Variants in EVI5 observed in about 807,000 individuals in gnomAD.
EVI5 encodes ecotropic viral integration site 5 protein homolog.
EVI5 carries 73 observed loss-of-function variants against 112.0 expected under a neutral mutation model. The ratio of observed to expected loss-of-function variants is 0.65; its 90% CI spans 0.54 to 0.79. The LOEUF (loss-of-function observed/expected upper bound fraction) is 0.79, where lower values mean the gene tolerates loss of function less well. Ranked by LOEUF, EVI5 falls within the 30% of genes least tolerant of loss-of-function variation. The pLI is 0.00. For missense variants in EVI5, 900 were observed against 968.8 expected (o/e 0.93, Z 0.94); for synonymous variants, 305 against 319.9 (o/e 0.95, Z 0.50).
At chr1:92,765,794 G>T (rs1029012559) in intron 1 of EVI5, among the ~76,000 whole-genome samples, 2 of 152,114 alleles carry the variant, frequency 1.3e-5, no homozygotes, top group East Asian at 3.8e-4. Context: ...GGGGGGAAAG[G>T]GCGGGGCATG....
intron 10 of EVI5, among the ~76,000 whole-genome samples, chr1:92,666,319 G>A (rs898787158): frequency 2.0e-5 from 3 of 151,752 alleles, no homozygotes; most frequent in Non-Finnish European, 4.4e-5. Context: ...AGGAATGGTG[G>A]TGATGAGCCT....
At chr1:92,750,499 C>T (rs1173882402) in intron 1 of EVI5, among the ~76,000 whole-genome samples, 4 of 152,186 alleles carry the variant, frequency 2.6e-5, no homozygotes, top group Admixed American at 6.5e-5. Context: ...ACAATCATCA[C>T]ACTACACTAT....
At chr1:92,789,158 C>T (rs181424512), upstream of EVI5, among the ~76,000 whole-genome samples, 50 of 152,180 alleles carry the variant, frequency 3.3e-4, no homozygotes, top group East Asian at 9.1e-3. Flanking sequence ...TCTACTAGAT[C>T]GAGAGCTTCA....
intron 18 of EVI5, among the ~76,000 whole-genome samples, chr1:92,595,058 T>A (rs1386971813): frequency 2.0e-5 from 3 of 151,872 alleles, no homozygotes; most frequent in African/African-American, 7.2e-5. Context: ...AGCCATCCCA[T>A]CACTGGGTAT....
chr1:92,558,387 C>G (rs140462002), intron 19 of EVI5, among the ~76,000 whole-genome samples: 1 of 152,160 alleles, frequency 6.6e-6, no homozygotes, highest in South Asian at 2.1e-4. Context: ...GAATCTCAAC[C>G]TTACTACAAA....
chr1:92,624,689 C>CAAAAAAAA (rs141559165), intron 15 of EVI5, among the ~76,000 whole-genome samples: 5 of 51,760 alleles, frequency 9.7e-5, no homozygotes, highest in African/African-American at 1.6e-4. Flanking sequence ...GTCTCTACTT[C>CAAAAAAAA]AAAAAAAAAA....
At chr1:92,662,957 T>TAAA (rs11411366) in intron 12 of EVI5, 92 bp from the exon 13 acceptor site, 224 of 305,844 alleles carry the variant, frequency 7.3e-4, no homozygotes, top group Middle Eastern at 4.5e-3. Flanking sequence ...TTTGACATGT[T>TAAA]AAAAAAAAAA....
rs1659019429 is a variant in EVI5 at position 92,508,850 on chromosome 1, TCTC to T, written c.*4803_*4805del. 6.6e-6 allele frequency: 1 copy of T among 152,488 alleles called. No individual in the cohort carries two copies. Among genetic ancestry groups the T allele is most frequent in the South Asian group, 2.1e-4 (1 of 4,828 alleles). The allele number at this position is 152,488 out of a possible 1,614,324, so 9.4% of individuals were successfully genotyped here. Reference sequence around the variant, plus strand: ...GTATACTGAATGTATTATTCTATCATCTCCTCTTTGGAGTAAAAAGAAGGGATA... The same window carrying T: ...GTATACTGAATGTATTATTCTATCATCTCTTTGGAGTAAAAAGAAGGGATA... On this transcript the variant is annotated 3_prime_UTR_variant, in exon 20 of 20. Transcript: ENST00000684568.
chr1:92,706,681 C>T (rs911519804), intron 2 of EVI5, among the ~76,000 whole-genome samples: 7 of 152,072 alleles, frequency 4.6e-5, no homozygotes, highest in Non-Finnish European at 7.4e-5. Context: ...TCGTGGCATT[C>T]GTGGGTTAGA....
At position 92,512,395 on chromosome 1, in the gene EVI5, C is replaced by G. The variant is rs1442384812; in HGVS notation, c.*1261G>C. 6.6e-6 allele frequency: 1 copy of G among 152,244 alleles called. No homozygotes were observed. Among genetic ancestry groups the G allele is most frequent in the Non-Finnish European group, 1.5e-5 (1 of 68,032 alleles). 9.4% of individuals were successfully genotyped at this position (152,244 alleles called of 1,614,324 possible). ...TTACATACACATGAAATAAAAGATT[C>G]CACCAACAGTGTTTTTGAACAGGCA... On this transcript the variant is annotated 3_prime_UTR_variant, in exon 20 of 20. Transcript: ENST00000684568.
At chr1:92,601,917 T>C (rs970989721) in intron 18 of EVI5, among the ~76,000 whole-genome samples, 1 of 152,158 alleles carries the variant, frequency 6.6e-6, no homozygotes, top group Admixed American at 6.5e-5. Context: ...TTCTTAGGAT[T>C]TTCTTGATGT....
intron 2 of EVI5, among the ~76,000 whole-genome samples, chr1:92,706,432 A>G (rs1570477767): frequency 6.6e-6 from 1 of 152,326 alleles, no homozygotes; most frequent in Non-Finnish European, 1.5e-5. Flanking sequence ...CCTGAATCCT[A>G]GTTATTTGCC....
chr1:92,531,350 C>A (rs1662834869), intron 19 of EVI5, among the ~76,000 whole-genome samples: 2 of 152,042 alleles, frequency 1.3e-5, no homozygotes, highest in South Asian at 2.1e-4. Flanking sequence ...TGGAACCAAG[C>A]TGGAAAACAC....
rs1431114377 is a variant in EVI5 at position 92,756,729 on chromosome 1, C to T, written c.-81-20102G>A. 2.1e-5 allele frequency: 10 copies of T among 485,424 alleles called. No homozygotes were observed. The East Asian group carries it at 5.0e-4, about 24-fold the overall frequency. 30.1% of individuals were successfully genotyped at this position (485,424 alleles called of 1,614,324 possible). A position where few individuals can be genotyped will look rare whatever the true frequency, so the allele number is the denominator to read the frequency against. On this transcript the variant is annotated intron_variant, in intron 1 of 19. Coordinates refer to ENST00000684568, the MANE Select transcript of EVI5 (RefSeq NM_001350197.2). ...GTATCGCCATCCTACATCAACCAAG[C>T]TGTTGTTAGCAGATGGTATCTACTA...
chr1:92,648,461 C>T (rs1661433588), intron 13 of EVI5, among the ~76,000 whole-genome samples: 1 of 151,810 alleles, frequency 6.6e-6, no homozygotes, highest in South Asian at 2.1e-4. Context: ...GTTGTATGAC[C>T]ATCCACATCT....
At position 92,593,434 on chromosome 1, in the gene EVI5, C is replaced by T. The variant is rs569445160; in HGVS notation, c.2070+11873G>A. Among the ~76,000 whole-genome samples the T allele has an allele frequency of 3.3e-5, 5 of 152,226 alleles. No individual in the cohort carries two copies. In the East Asian group the frequency reaches 7.7e-4, roughly 23 times the overall value. On this transcript the variant is annotated intron_variant, in intron 18 of 19. Coordinates refer to ENST00000684568, the MANE Select transcript of EVI5 (RefSeq NM_001350197.2). Reference sequence around the variant, plus strand: ...GGGACGTATCTCAAAATAATTAGAGCTATCTATGACAAACCCACAGCCAAT... The same window carrying T: ...GGGACGTATCTCAAAATAATTAGAGTTATCTATGACAAACCCACAGCCAAT...
At chr1:92,758,353 G>C (rs1033205264) in intron 1 of EVI5, among the ~76,000 whole-genome samples, 1 of 152,016 alleles carries the variant, frequency 6.6e-6, no homozygotes, top group Non-Finnish European at 1.5e-5. Context: ...TGGATTGCTC[G>C]AGCCCAGGAG....
Position 92,669,547 on chromosome 1 carries a change from C to CAAAAAAAAAAA in EVI5, c.1159-3566_1159-3556dup, listed in dbSNP as rs56412396. The stretch of plus-strand genomic sequence containing the variant: ...TGGGCAACGGAGCAAGGCTCTGTCT[C>CAAAAAAAAAAA]AAAAAAAAAAAAAATCACTGGGAAA... On this transcript the variant is annotated intron_variant, in intron 10 of 19. Transcript: ENST00000684568. Among the ~76,000 whole-genome samples the CAAAAAAAAAAA allele has an allele frequency of 8.1e-4, 42 of 51,802 alleles. 4 individuals are homozygous for CAAAAAAAAAAA. In the East Asian group the frequency reaches 0.015, roughly 18 times the overall value. 34.0% of individuals were successfully genotyped at this position (51,802 alleles called of 152,430 possible). A position where few individuals can be genotyped will look rare whatever the true frequency, so the allele number is the denominator to read the frequency against.
chr1:92,555,979 T>TAC, intron 19 of EVI5, among the ~76,000 whole-genome samples: 1 of 151,960 alleles, frequency 6.6e-6, no homozygotes, highest in Non-Finnish European at 1.5e-5. Context: ...CTTTTCTACC[T>TAC]TTAGTATTTT....
Sources: gnomAD v4.1 joint callset for allele counts (sites outside exome capture counted in the v4.1 genomes callset) on GRCh38, gnomAD v4.1.1 for gene constraint, MANE v1.5 for transcripts, NCBI Gene and HGNC (gene_info 2026-07-23, HGNC 2026-07-21) for gene names.